Variants in TTC34 observed in about 807,000 individuals in gnomAD.
TTC34 encodes tetratricopeptide repeat protein 34.
In TTC34, 44 loss-of-function variants were observed where a neutral mutation model predicts 40.7. That is an observed-to-expected ratio of 1.08 (90% CI 0.85 to 1.39). The LOEUF is 1.39. TTC34 is among the 40% of genes most tolerant of loss of function. TTC34 has a pLI of 0.00. For missense variants in TTC34, 884 were observed against 838.0 expected, an observed-to-expected ratio of 1.05 and a Z score of -0.68; for synonymous variants, 422 against 398.6, an observed-to-expected ratio of 1.06 and a Z score of -0.70.
chr1:2,686,555 C>T (rs1250387103), intron 6 of TTC34, among the ~76,000 whole-genome samples: 1 of 145,692 alleles, frequency 6.9e-6, no homozygotes, highest in Non-Finnish European at 1.5e-5. Context: ...TGGAACAGCA[C>T]GCACACACCC....
At chr1:2,791,086 G>T (rs1319014054) in intron 2 of TTC34, among the ~76,000 whole-genome samples, 1 of 152,176 alleles carries the variant, frequency 6.6e-6, no homozygotes, top group Non-Finnish European at 1.5e-5. Context: ...AGTCAGTGAG[G>T]TCAGGGGCAG....
At chr1:2,695,102 C>A (rs537875032) in intron 6 of TTC34, among the ~76,000 whole-genome samples, 3 of 96,304 alleles carry the variant, frequency 3.1e-5, no homozygotes, top group African/African-American at 9.4e-5. Context: ...CAACCTGGAA[C>A]AGCACCCATA....
At chr1:2,786,918 G>C (rs942296123) in intron 4 of TTC34, among the ~76,000 whole-genome samples, 1 of 152,196 alleles carries the variant, frequency 6.6e-6, no homozygotes, top group South Asian at 2.1e-4. Context: ...CGGGCCCCAG[G>C]GGGAGGAAGA....
intron 6 of TTC34, among the ~76,000 whole-genome samples, chr1:2,750,736 A>T (rs1641291855): frequency 7.0e-6 from 1 of 143,174 alleles, no homozygotes; most frequent in African/African-American, 2.7e-5. Context: ...CCCCCAGGTG[A>T]GCATCTGATG....
At position 2,749,637 on chromosome 1, in the gene TTC34, C is replaced by T. The variant is rs1409238156; in HGVS notation, c.2226+33972G>A. On this transcript the variant is annotated intron_variant, in intron 6 of 8. Coordinates refer to ENST00000401095, the Ensembl canonical transcript of TTC34. ...GTGCATGTGATGGTCTGGAGCAGCC[C>T]CCACACCCAGAGGTGAGCATCCGAC... Among the ~76,000 whole-genome samples, 3 of 113,940 alleles carry T rather than the reference C, an allele frequency of 2.6e-5. 1 individual carries two copies. Among genetic ancestry groups the T allele is most frequent in the African/African-American group, 4.4e-5 (1 of 22,958 alleles). 74.7% of individuals were successfully genotyped at this position (113,940 alleles called of 152,430 possible).
At chr1:2,653,642 A>ACCCACACCCCAGG (rs1639231188) in intron 6 of TTC34, among the ~76,000 whole-genome samples, 7 of 125,150 alleles carry the variant, frequency 5.6e-5, no homozygotes, top group South Asian at 2.8e-4. Context: ...CTGGAGCAGC[A>ACCCACACCCCAGG]TCCACACCCC....
intron 6 of TTC34, among the ~76,000 whole-genome samples, chr1:2,754,647 G>C (rs1156546087): frequency 0.12 from 1,694 of 14,182 alleles, no homozygotes; most frequent in East Asian, 0.19. Flanking sequence ...CAGCGTGGAG[G>C]AGCACCCACA....
exon 3 of TTC34, chr1:2,789,890 C>A (rs919950143): frequency 2.4e-6 from 1 of 413,368 alleles, no homozygotes; most frequent in East Asian, 3.6e-5. Flanking sequence ...GAGAGGTGCG[C>A]GGTCCCCTGC....
At chr1:2,677,947 C>T (rs1246330467) in intron 6 of TTC34, among the ~76,000 whole-genome samples, 1 of 42,030 alleles carries the variant, frequency 2.4e-5, no homozygotes, top group African/African-American at 1.6e-4. Flanking sequence ...AGGTGAGCAT[C>T]CGACAGCCTG....
intron 6 of TTC34, among the ~76,000 whole-genome samples, chr1:2,777,225 T>C (rs1332889594): frequency 9.8e-6 from 1 of 102,072 alleles, no homozygotes; most frequent in East Asian, 3.2e-4. Context: ...CAGGGGAGCA[T>C]CTGACATCCT....
chr1:2,767,395 C>T (rs1342575916), intron 6 of TTC34, among the ~76,000 whole-genome samples: 25 of 130,702 alleles, frequency 1.9e-4, no homozygotes, highest in South Asian at 8.5e-4. Context: ...TGGAGCAGCA[C>T]CCACACCCCC....
intron 6 of TTC34, among the ~76,000 whole-genome samples, chr1:2,683,907 C>G (rs1326802783): frequency 6.7e-6 from 1 of 148,590 alleles, no homozygotes; most frequent in African/African-American, 2.6e-5. Flanking sequence ...TGGGTCGGCA[C>G]CCACACCTCC....
Position 2,641,191 on chromosome 1 carries a change from AGGG to A in TTC34, c.*174_*176del. 2 of 349,976 alleles carry A rather than the reference AGGG, an allele frequency of 5.7e-6. 1 individual carries two copies. The highest frequency in any genetic ancestry group is 8.5e-5 in the South Asian group (2 of 23,454). 21.7% of individuals were successfully genotyped at this position (349,976 alleles called of 1,614,324 possible). A position where few individuals can be genotyped will look rare whatever the true frequency, so the allele number is the denominator to read the frequency against. On this transcript the variant is annotated 3_prime_UTR_variant, in exon 9 of 9. Transcript: ENST00000401095. The stretch of plus-strand genomic sequence containing the variant: ...AGGGGGGCTGTGGGGAGGGTTGGGA[AGGG>A]GGGTTGTGGGGAGGGTTGGGAAGGG...
chr1:2,786,701 A>G (rs1182241845), intron 4 of TTC34, among the ~76,000 whole-genome samples: 1 of 152,174 alleles, frequency 6.6e-6, no homozygotes, highest in African/African-American at 2.4e-5. Context: ...CGCGGAGCAA[A>G]AGCCCAGCAC....
Position 2,754,898 on chromosome 1 carries a change from A to G in TTC34, c.2226+28711T>C, listed in dbSNP as rs1488905412. ...GTGACAGCCTCGAACAGCACCCTGC[A>G]CCCCCAGGGGAGCATCTGACAGCCT... On this transcript the variant is annotated intron_variant, in intron 6 of 8. Transcript: ENST00000401095. Among the ~76,000 whole-genome samples, 2 of 74,822 alleles carry G rather than the reference A, an allele frequency of 2.7e-5. 1 individual carries two copies. Among genetic ancestry groups the G allele is most frequent in the Non-Finnish European group, 4.6e-5 (2 of 43,538 alleles). 49.1% of individuals were successfully genotyped at this position (74,822 alleles called of 152,430 possible).
Position 2,759,955 on chromosome 1 carries a change from C to G in TTC34, c.2226+23654G>C, listed in dbSNP as rs1298374580. On this transcript the variant is annotated intron_variant, in intron 6 of 8. Coordinates refer to ENST00000401095, the Ensembl canonical transcript of TTC34. The stretch of plus-strand genomic sequence containing the variant: ...GAGCATCTGACAGCCTGGAAAGGCA[C>G]CCACACCACCAGGTGAGCATCTGAT... Among the ~76,000 whole-genome samples the G allele has an allele frequency of 8.5e-4, 114 of 133,892 alleles. 1 individual carries two copies. Among genetic ancestry groups the G allele is most frequent in the African/African-American group, 3.0e-3 (93 of 31,344 alleles). The allele number at this position is 133,892 out of a possible 152,430, so 87.8% of individuals were successfully genotyped here.
intron 3 of TTC34, among the ~76,000 whole-genome samples, chr1:2,788,508 A>C (rs1486156473): frequency 6.6e-6 from 1 of 152,102 alleles, no homozygotes; most frequent in African/African-American, 2.4e-5. Flanking sequence ...CCCCGGACTC[A>C]GTGCTTTTAA....
intron 6 of TTC34, among the ~76,000 whole-genome samples, chr1:2,755,770 A>G (rs1421473142): frequency 2.0e-3 from 193 of 98,092 alleles, no homozygotes; most frequent in African/African-American, 4.9e-3. Flanking sequence ...GACAGCCTGG[A>G]ACGGCACCCA....
chr1:2,749,618 G>T (rs1400828689), intron 6 of TTC34, among the ~76,000 whole-genome samples: 1 of 40,808 alleles, frequency 2.5e-5, no homozygotes, highest in African/African-American at 1.4e-4. Context: ...AGGTGTGCAT[G>T]TGATGGTCTG....
Sources: allele counts gnomAD v4.1 joint callset (sites outside exome capture counted in the v4.1 genomes callset), GRCh38; gene constraint gnomAD v4.1.1; transcripts MANE v1.5; gene names NCBI Gene and HGNC (gene_info 2026-07-23, HGNC 2026-07-21).